The following PTPN5 variants were observed in gnomAD, a reference collection of about 807,000 sequenced individuals.
PTPN5 encodes the protein tyrosine-protein phosphatase non-receptor type 5.
Under a neutral mutation model 73.9 loss-of-function variants are expected in PTPN5, and 29 were observed. The ratio of observed to expected loss-of-function variants is 0.39; its 90% CI spans 0.29 to 0.54. The LOEUF (loss-of-function observed/expected upper bound fraction) is 0.54, where lower values mean the gene tolerates loss of function less well. Among genes scored for constraint, PTPN5 ranks in the 20% least tolerant of loss-of-function variants. The pLI is 0.65. For synonymous variants in PTPN5, 267 were observed against 304.7 expected (o/e 0.88, Z 1.29); for missense variants, 652 against 751.4 (o/e 0.87, Z 1.55).
intron 3 of PTPN5, among the ~76,000 whole-genome samples, chr11:18,756,651 G>A (rs1283632412): frequency 1.3e-5 from 2 of 151,918 alleles, no homozygotes; most frequent in East Asian, 2.0e-4. Context: ...GGCCGGGCGC[G>A]GTGGCTCACG....
At chr11:18,740,495 T>C in intron 8 of PTPN5, 108 bp downstream of exon 8, 1 of 1,008,346 alleles carries the variant, frequency 9.9e-7, no homozygotes, top group Non-Finnish European at 1.4e-6. Flanking sequence ...AAAGTGATAC[T>C]AATCTACTGC....
At chr11:18,769,044 G>A (rs796966901) in intron 2 of PTPN5, among the ~76,000 whole-genome samples, 4 of 152,296 alleles carry the variant, frequency 2.6e-5, no homozygotes, top group African/African-American at 9.6e-5. Context: ...GAGACCACCA[G>A]GGATGAAGGG....
chr11:18,743,477 C>T (rs767746962), intron 4 of PTPN5, 48 bp from the exon 5 acceptor site: 72 of 1,545,692 alleles, frequency 4.7e-5, no homozygotes, highest in East Asian at 4.5e-4. Flanking sequence ...CCCCTTCCCC[C>T]GTGTTCCCCC....
In PTPN5 at chr11:18,738,648, C is replaced by A. The variant is rs563736949; in HGVS notation, c.916-684G>T. On this transcript the variant is annotated intron_variant, in intron 8 of 14. Coordinates refer to ENST00000358540, the MANE Select transcript of PTPN5 (RefSeq NM_006906.2). ...CTCCTGAGGGCGCTGGTCTCCCCTA[C>A]CCCCATCTCTCCAAGTTGTTCCCAC... Among the ~76,000 whole-genome samples, 38 of 152,250 alleles carry A rather than the reference C, an allele frequency of 2.5e-4. 1 individual carries two copies. The South Asian group carries it at 7.3e-3, about 29-fold the overall frequency.
chr11:18,752,832 G>C lies in PTPN5; in HGVS notation c.98-8633C>G, dbSNP rs529726138. 3.3e-5 allele frequency among the ~76,000 whole-genome samples: 5 copies of C among 152,360 alleles called. No individual in the cohort carries two copies. In the South Asian group the frequency reaches 1.0e-3, roughly 32 times the overall value. On this transcript the variant is annotated intron_variant, in intron 3 of 14. Transcript: ENST00000358540. ...GGCAGGGAGGTACCAGAGGTCCCCA[G>C]TGCCTGAGACTTAAGCACAAATGCT... is the stretch of plus-strand genomic sequence containing the variant.
rs921381248 is a variant in PTPN5 at position 18,728,862 on chromosome 11, G to A, written c.*72C>T. 1.2e-5 allele frequency: 17 copies of A among 1,462,794 alleles called. No homozygotes were observed. Among genetic ancestry groups the A allele is most frequent in the Admixed American group, 8.1e-5 (4 of 49,468 alleles). The allele number at this position is 1,462,794 out of a possible 1,614,324, so 90.6% of individuals were successfully genotyped here. On this transcript the variant is annotated 3_prime_UTR_variant, in exon 15 of 15. Transcript: ENST00000358540. The surrounding 1 kb of genome is among the most constrained non-coding windows in gnomAD (Gnocchi z 4.1). ...GAAGCGGGGAGCAGGCCCAGGACCC[G>A]AGGCAGGGCCCTGGGTGAGGGCCGA...
intron 4 of PTPN5, 29 bp from the exon 5 acceptor site, chr11:18,743,458 G>T (rs769238161): frequency 2.5e-6 from 4 of 1,596,374 alleles, no homozygotes; most frequent in Non-Finnish European, 3.4e-6. Context: ...GGCTGAGTAT[G>T]GAGCCGGCCC....
At chr11:18,740,259 G>A (rs1849303116) in intron 8 of PTPN5, among the ~76,000 whole-genome samples, 2 of 152,224 alleles carry the variant, frequency 1.3e-5, no homozygotes, top group South Asian at 2.1e-4. Flanking sequence ...TGGGAAAACA[G>A]AAGAGTTAGA....
intron 1 of PTPN5, among the ~76,000 whole-genome samples, chr11:18,779,527 C>G (rs1350780237): frequency 6.6e-6 from 1 of 152,136 alleles, no homozygotes; most frequent in African/African-American, 2.4e-5. Flanking sequence ...TTGAGACAAC[C>G]CCATGAAAAC....
intron 3 of PTPN5, among the ~76,000 whole-genome samples, chr11:18,756,078 G>A (rs1850121533): frequency 6.6e-6 from 1 of 151,818 alleles, no homozygotes; most frequent in Admixed American, 6.6e-5. Context: ...ATAGGGCTGA[G>A]ATGGGGTAGG....
intron 3 of PTPN5, chr11:18,744,428 T>C (rs1449133187): frequency 5.1e-6 from 2 of 394,674 alleles, no homozygotes; most frequent in Non-Finnish European, 4.4e-6. Context: ...GTAACAGAGT[T>C]AAAATGGCAG....
chr11:18,736,772 C>G (rs1031136392), intron 9 of PTPN5, among the ~76,000 whole-genome samples: 24 of 152,300 alleles, frequency 1.6e-4, no homozygotes, highest in Middle Eastern at 3.4e-3. Context: ...GCACGGAATC[C>G]TAGTCTGCTC....
chr11:18,731,216 G>T (rs1240143343), intron 12 of PTPN5, among the ~76,000 whole-genome samples: 1 of 144,532 alleles, frequency 6.9e-6, no homozygotes, highest in Non-Finnish European at 1.5e-5. Flanking sequence ...TTTATATATA[G>T]GTATAATAGG....
intron 3 of PTPN5, chr11:18,749,497 G>A (rs768071503): frequency 1.9e-6 from 1 of 518,736 alleles, no homozygotes; most frequent in African/African-American, 1.9e-5. Flanking sequence ...GTGGGGGGCA[G>A]AACCTTGAAC....
At chr11:18,732,405 G>T (rs1848920310) in intron 12 of PTPN5, among the ~76,000 whole-genome samples, 187 bp downstream of exon 12, 1 of 152,120 alleles carries the variant, frequency 6.6e-6, no homozygotes, top group Non-Finnish European at 1.5e-5. Flanking sequence ...AAATGCAAGG[G>T]GTTTGATTCT....
In PTPN5 at chr11:18,778,929, T is replaced by G. The variant is rs549983339; in HGVS notation, c.-113-6858A>C. 1.1e-4 allele frequency among the ~76,000 whole-genome samples: 16 copies of G among 152,298 alleles called. No individual in the cohort carries two copies. The East Asian group carries it at 2.7e-3, about 26-fold the overall frequency. ...CATGCCTCTGGTTTCATCCCTAGAC[T>G]TCCCTCATGCTGCCCTGGGCCTGGG... On this transcript the variant is annotated intron_variant, in intron 1 of 14. Coordinates refer to ENST00000358540, the MANE Select transcript of PTPN5 (RefSeq NM_006906.2).
chr11:18,767,168 GC>G (rs1184769449), intron 2 of PTPN5, among the ~76,000 whole-genome samples: 1 of 152,172 alleles, frequency 6.6e-6, no homozygotes, highest in African/African-American at 2.4e-5. Flanking sequence ...CTGCTTCTCT[GC>G]CCCCAAGTCC....
At chr11:18,764,082 A>G (rs995328954) in intron 3 of PTPN5, among the ~76,000 whole-genome samples, 16 of 152,308 alleles carry the variant, frequency 1.1e-4, no homozygotes, top group Admixed American at 9.8e-4. Flanking sequence ...TAATAGTTGA[A>G]GGGGACTTCT....
intron 3 of PTPN5, among the ~76,000 whole-genome samples, chr11:18,757,171 T>C (rs540170241): frequency 6.6e-5 from 10 of 152,328 alleles, no homozygotes; most frequent in Admixed American, 5.2e-4. Flanking sequence ...TAAGACTTTA[T>C]GGTTTACAAA....
Sources: allele counts gnomAD v4.1 joint callset (sites outside exome capture counted in the v4.1 genomes callset), GRCh38; gene constraint gnomAD v4.1.1; non-coding constraint Gnocchi (gnomAD v3.1); transcripts MANE v1.5; gene names NCBI Gene and HGNC (gene_info 2026-07-23, HGNC 2026-07-21).